The following HHAT variants were observed in gnomAD, a reference collection of about 807,000 sequenced individuals.
HHAT encodes protein-cysteine N-palmitoyltransferase HHAT.
HHAT carries 47 observed loss-of-function variants against 70.8 expected under a neutral mutation model. The ratio of observed to expected loss-of-function variants is 0.66; its 90% CI spans 0.53 to 0.85. The LOEUF (loss-of-function observed/expected upper bound fraction) is 0.85, where lower values mean the gene tolerates loss of function less well. HHAT is among the 40% of genes least tolerant of loss of function. The pLI is 0.00. For synonymous variants in HHAT, 228 were observed against 247.6 expected (o/e 0.92, Z 0.74); for missense variants, 609 against 604.8 (o/e 1.01, Z -0.07).
chr1:210,587,427 T>C (rs1220694804), intron 9 of HHAT, among the ~76,000 whole-genome samples: 1 of 152,142 alleles, frequency 6.6e-6, no homozygotes, highest in African/African-American at 2.4e-5. Context: ...ATGATTCAAT[T>C]ACCTCGCGCT....
chr1:210,454,983 A>G (rs571700196), intron 7 of HHAT, among the ~76,000 whole-genome samples: 17 of 152,320 alleles, frequency 1.1e-4, no homozygotes, highest in Middle Eastern at 3.4e-3. Context: ...GTGTTAGTTC[A>G]TGGTTGCCCA....
intron 9 of HHAT, among the ~76,000 whole-genome samples, chr1:210,586,766 C>T (rs1660537700): frequency 6.6e-6 from 1 of 152,142 alleles, no homozygotes; most frequent in Admixed American, 6.5e-5. Context: ...TTTAAAAAGG[C>T]TATTGCAAGA....
At chr1:210,601,006 A>G (rs1490058191) in intron 10 of HHAT, among the ~76,000 whole-genome samples, 1 of 151,910 alleles carries the variant, frequency 6.6e-6, no homozygotes, top group African/African-American at 2.4e-5. Context: ...TAAAATTTCT[A>G]TTTATACACT....
chr1:210,661,803 C>T (rs993116487), intron 11 of HHAT, among the ~76,000 whole-genome samples: 1 of 151,818 alleles, frequency 6.6e-6, no homozygotes, highest in Non-Finnish European at 1.5e-5. Context: ...TCACCGTAAA[C>T]ACCACATGTT....
Position 210,328,963 on chromosome 1 carries a change from T to C in HHAT, c.-185T>C, listed in dbSNP as rs1414826681. ...CTGCGCTGCTCCTCCAAAGGGCAGC[T>C]CCGGGGGAAAGAGGGTGGCGTCCCG... On this transcript the variant is annotated 5_prime_UTR_variant, in exon 1 of 12. Coordinates refer to ENST00000261458, the MANE Select transcript of HHAT (RefSeq NM_018194.6). The C allele has an allele frequency of 3.9e-6, 5 of 1,288,196 alleles. No individual in the cohort carries two copies. Among genetic ancestry groups the C allele is most frequent in the Admixed American group, 7.3e-5 (2 of 27,498 alleles). 79.8% of individuals were successfully genotyped at this position (1,288,196 alleles called of 1,614,324 possible).
At chr1:210,403,232 A>G (rs2092163983) in intron 5 of HHAT, among the ~76,000 whole-genome samples, 2 of 152,202 alleles carry the variant, frequency 1.3e-5, no homozygotes, top group Non-Finnish European at 2.9e-5. Flanking sequence ...CGTTTTAATG[A>G]AGATACTTCC....
intron 11 of HHAT, among the ~76,000 whole-genome samples, chr1:210,651,015 C>G (rs1675018427): frequency 6.6e-6 from 1 of 152,194 alleles, no homozygotes; most frequent in Non-Finnish European, 1.5e-5. Context: ...AGGAGCCACA[C>G]AATCTCATCC....
chr1:210,580,334 ATTCC>A (rs916636616), intron 9 of HHAT, among the ~76,000 whole-genome samples: 1 of 151,706 alleles, frequency 6.6e-6, no homozygotes, highest in Non-Finnish European at 1.5e-5. Context: ...AGCAAATTAT[ATTCC>A]TTTTTGTGTA....
At chr1:210,416,775 C>T (rs886077986) in intron 6 of HHAT, among the ~76,000 whole-genome samples, 2 of 152,176 alleles carry the variant, frequency 1.3e-5, no homozygotes, top group Non-Finnish European at 2.9e-5. Flanking sequence ...TGGGATGCCA[C>T]ATGGGAAGGA....
At chr1:210,527,151 C>A (rs1053521056) in intron 9 of HHAT, among the ~76,000 whole-genome samples, 1 of 152,146 alleles carries the variant, frequency 6.6e-6, no homozygotes, top group Non-Finnish European at 1.5e-5. Context: ...ACCCTTATCA[C>A]CACCTTCCAA....
At chr1:210,609,388 G>C (rs1666147864) in intron 10 of HHAT, among the ~76,000 whole-genome samples, 1 of 146,404 alleles carries the variant, frequency 6.8e-6, no homozygotes, top group Non-Finnish European at 1.5e-5. Flanking sequence ...AAAACTTTTG[G>C]TTTGAATGAG....
intron 6 of HHAT, among the ~76,000 whole-genome samples, chr1:210,405,751 CTT>C (rs749042231): frequency 1.9e-4 from 29 of 152,248 alleles, no homozygotes; most frequent in Non-Finnish European, 3.2e-4. Context: ...AAGTATGTAA[CTT>C]TTTATATCTC....
chr1:210,385,252 C>CTTTTTTTTTTTT (rs55887436), intron 3 of HHAT, among the ~76,000 whole-genome samples: 6 of 138,882 alleles, frequency 4.3e-5, no homozygotes, highest in South Asian at 2.2e-4. Context: ...ATATGTTTTT[C>CTTTTTTTTTTTT]TTTTTTTTTT....
chr1:210,625,958 T>A (rs1669750545), intron 11 of HHAT, among the ~76,000 whole-genome samples: 1 of 152,050 alleles, frequency 6.6e-6, no homozygotes, highest in Non-Finnish European at 1.5e-5. Flanking sequence ...AGCATGCAGA[T>A]ATCAGTGTGC....
At chr1:210,581,388 G>C (rs1659237739) in intron 9 of HHAT, among the ~76,000 whole-genome samples, 1 of 152,198 alleles carries the variant, frequency 6.6e-6, no homozygotes, top group Admixed American at 6.5e-5. Flanking sequence ...GCCAGGGTTG[G>C]GTCAGGGGAG....
intron 8 of HHAT, among the ~76,000 whole-genome samples, chr1:210,493,320 G>A (rs1004128157): frequency 6.6e-6 from 1 of 152,070 alleles, no homozygotes. Flanking sequence ...ACTCTGCAGG[G>A]CAGGCTGGCA....
In HHAT at chr1:210,362,935, A is replaced by C. The variant is rs771765424; in HGVS notation, c.159+16A>C. 1 of 1,568,300 alleles carries C rather than the reference A, an allele frequency of 6.4e-7. No homozygotes were observed. Among genetic ancestry groups the C allele is most frequent in the African/African-American group, 1.3e-5 (1 of 74,328 alleles). ...ATTAAAGAAGGTACAAAGTGGATGC[A>C]TAATAAATCTCAGTTTTCAAACCTG... On this transcript the variant is annotated intron_variant, in intron 3 of 11. Transcript: ENST00000261458.
intron 2 of HHAT, among the ~76,000 whole-genome samples, chr1:210,360,181 A>G (rs761172): frequency 0.81 from 124,030 of 152,198 alleles, 51,309 homozygotes; most frequent in African/African-American, 0.95. Context: ...AGTGAGTTCC[A>G]AACAGGTCAT....
chr1:210,622,285 A>G (rs929304552), intron 10 of HHAT, among the ~76,000 whole-genome samples: 10 of 152,276 alleles, frequency 6.6e-5, no homozygotes, highest in African/African-American at 2.2e-4. Flanking sequence ...AAATATCTCC[A>G]GACCCTTTGC....
Sources: gnomAD v4.1 joint callset for allele counts (sites outside exome capture counted in the v4.1 genomes callset) on GRCh38, gnomAD v4.1.1 for gene constraint, MANE v1.5 for transcripts, NCBI Gene and HGNC (gene_info 2026-07-23, HGNC 2026-07-21) for gene names.